NDUFS4: variants seen among roughly 807,000 people sequenced by gnomAD.
NDUFS4 encodes the protein NADH:ubiquinone oxidoreductase subunit S4.
A neutral mutation model predicts 24.3 loss-of-function variants in NDUFS4; 28 were observed. The observed-to-expected ratio is 1.15, with a 90% confidence interval of 0.85 to 1.58. The LOEUF is 1.58. NDUFS4 is among the 40% of genes most tolerant of loss of function. NDUFS4 has a pLI of 0.00. For synonymous variants in NDUFS4, 93 were observed against 69.7 expected (o/e 1.34, Z -1.67); for missense variants, 223 against 207.9 (o/e 1.07, Z -0.45).
At chr5:53,598,613 A>T (rs1750203858) in intron 1 of NDUFS4, among the ~76,000 whole-genome samples, 1 of 152,210 alleles carries the variant, frequency 6.6e-6, no homozygotes, top group African/African-American at 2.4e-5. Flanking sequence ...AAAGATGTTT[A>T]TATAAATAAA....
At chr5:53,627,309 T>C (rs1751260129) in intron 2 of NDUFS4, among the ~76,000 whole-genome samples, 1 of 152,208 alleles carries the variant, frequency 6.6e-6, no homozygotes, top group Admixed American at 6.5e-5. Context: ...AAAAGTCAGG[T>C]AGCATGATAC....
intron 3 of NDUFS4, among the ~76,000 whole-genome samples, chr5:53,648,416 T>A (rs73121112): frequency 6.6e-6 from 1 of 152,222 alleles, no homozygotes; most frequent in South Asian, 2.1e-4. Flanking sequence ...CTTTTTCATA[T>A]GTAAGATAAT....
rs562483166 is a variant in NDUFS4, at chr5:53,582,231, A to AAATT, written c.99-21219_99-21218insTTAA. Among the ~76,000 whole-genome samples, 675 of 121,230 alleles carry AAATT rather than the reference A, an allele frequency of 5.6e-3. 4 individuals carry two copies. The highest frequency in any genetic ancestry group is 1.0e-2 in the Non-Finnish European group (513 of 51,540). 79.5% of individuals were successfully genotyped at this position (121,230 alleles called of 152,430 possible). A position where few individuals can be genotyped will look rare whatever the true frequency, so the allele number is the denominator to read the frequency against. On this transcript the variant is annotated intron_variant, in intron 1 of 4. Coordinates refer to ENST00000296684, the MANE Select transcript of NDUFS4 (RefSeq NM_002495.4). ...GTCTCAAAATAAAATAAAATAAAAT[A>AAATT]AAATAAAATAAAATTAAATTAAAAT...
intron 1 of NDUFS4, among the ~76,000 whole-genome samples, chr5:53,581,680 A>G (rs1300758630): frequency 9.2e-5 from 14 of 152,088 alleles, no homozygotes. Flanking sequence ...CAGTTTAACC[A>G]TCATTTTCTT....
At chr5:53,591,461 T>TGGGGGG (rs374748766) in intron 1 of NDUFS4, among the ~76,000 whole-genome samples, 5 of 81,216 alleles carry the variant, frequency 6.2e-5, no homozygotes, top group African/African-American at 1.5e-4. Flanking sequence ...TTGTTTTTTT[T>TGGGGGG]GGGGGGGGGG....
Position 53,578,670 on chromosome 5 carries a change from A to G in NDUFS4, c.98+17910A>G, listed in dbSNP as rs572058784. 5.9e-5 allele frequency among the ~76,000 whole-genome samples: 9 copies of G among 152,312 alleles called. 1 individual carries two copies. In the Middle Eastern group the frequency reaches 0.014, roughly 230 times the overall value. On this transcript the variant is annotated intron_variant, in intron 1 of 4. Transcript: ENST00000296684. ...TAAAATGCATAGTACAGTGCTCGGC[A>G]TATGCTATAAGTGCCTGAAAAATTA... is the stretch of plus-strand genomic sequence containing the variant.
At chr5:53,668,173 G>C (rs999457548) in intron 4 of NDUFS4, among the ~76,000 whole-genome samples, 1 of 152,080 alleles carries the variant, frequency 6.6e-6, no homozygotes, top group East Asian at 1.9e-4. Context: ...CAGCCTAAAA[G>C]TATATTAGCT....
chr5:53,619,190 G>T (rs1009298402), intron 2 of NDUFS4, among the ~76,000 whole-genome samples: 23 of 150,754 alleles, frequency 1.5e-4, no homozygotes, highest in Non-Finnish European at 3.1e-4. Context: ...CACATTAGAG[G>T]CCGGGCACGG....
intron 2 of NDUFS4, among the ~76,000 whole-genome samples, chr5:53,605,707 T>C (rs1750476007): frequency 6.6e-6 from 1 of 152,116 alleles, no homozygotes. Flanking sequence ...TAGACTGTTC[T>C]CATATTGTTA....
chr5:53,560,674 G>C lies in NDUFS4; in HGVS notation c.12G>C (p.Val4=), dbSNP rs2279516. 0.61 allele frequency: 984,998 copies of C among 1,614,084 alleles called. 303,287 individuals carry two copies. Among genetic ancestry groups the C allele is most frequent in the African/African-American group, 0.81 (60,534 of 75,030 alleles). ...TTGCCTGCAGCAAGATGGCGGCGGT[G>C]TCAATGTCAGTGGTACTGAGGCAGA... is the stretch of plus-strand genomic sequence containing the variant. MAA[V]SMSVVLRQTL... Residue 4 remains valine (V), a synonymous_variant, in exon 1 of 5, where the codon GTG becomes GTC. Transcript: ENST00000296684.
intron 2 of NDUFS4, among the ~76,000 whole-genome samples, chr5:53,621,626 C>T (rs1751034382): frequency 6.6e-6 from 1 of 150,928 alleles, no homozygotes; most frequent in Non-Finnish European, 1.5e-5. Context: ...ACTTGTCATT[C>T]CAGTCCTTTG....
chr5:53,561,384 A>G (rs1010407480), intron 1 of NDUFS4, among the ~76,000 whole-genome samples: 4 of 152,112 alleles, frequency 2.6e-5, no homozygotes, highest in Non-Finnish European at 5.9e-5. Flanking sequence ...TAATTCAGGG[A>G]TTGAATTGAG....
Position 53,647,532 on chromosome 5 carries a change from A to C in NDUFS4, c.350+1127A>C, listed in dbSNP as rs555020267. Reference sequence around the variant, plus strand: ...ATGCCTGGCCATTAAATTGCTTTTTAACAGTGTATTGGAATAAATTCTTGT... The same window carrying C: ...ATGCCTGGCCATTAAATTGCTTTTTCACAGTGTATTGGAATAAATTCTTGT... On this transcript the variant is annotated intron_variant, in intron 3 of 4. Transcript: ENST00000296684. Among the ~76,000 whole-genome samples, 6 of 152,240 alleles carry C rather than the reference A, an allele frequency of 3.9e-5. No homozygotes were observed. In the South Asian group the frequency reaches 1.2e-3, roughly 32 times the overall value.
chr5:53,562,095 C>G (rs1474408863), intron 1 of NDUFS4, among the ~76,000 whole-genome samples: 4 of 152,012 alleles, frequency 2.6e-5, no homozygotes, highest in East Asian at 1.9e-4. Flanking sequence ...CCTCCGCCTC[C>G]CGGGTTCAAG....
chr5:53,609,434 ATATT>A (rs1461037536), intron 2 of NDUFS4, among the ~76,000 whole-genome samples: 2 of 152,196 alleles, frequency 1.3e-5, no homozygotes, highest in Non-Finnish European at 2.9e-5. Context: ...TGGGCATAAA[ATATT>A]TAGTAAACCA....
At chr5:53,651,615 A>G (rs1352538257) in intron 3 of NDUFS4, among the ~76,000 whole-genome samples, 1 of 151,980 alleles carries the variant, frequency 6.6e-6, no homozygotes, top group Non-Finnish European at 1.5e-5. Flanking sequence ...TAATGGAGCA[A>G]AGAGAATGTT....
At chr5:53,586,087 C>T (rs1027873266) in intron 1 of NDUFS4, among the ~76,000 whole-genome samples, 9 of 151,644 alleles carry the variant, frequency 5.9e-5, no homozygotes, top group Non-Finnish European at 1.0e-4. Flanking sequence ...CCAGCACTTT[C>T]GGAGGCCGAG....
chr5:53,640,325 C>T (rs1751676034), intron 2 of NDUFS4, among the ~76,000 whole-genome samples: 1 of 151,918 alleles, frequency 6.6e-6, no homozygotes, highest in South Asian at 2.1e-4. Context: ...GAAAAAGGTC[C>T]AGAAGGAAGA....
intron 3 of NDUFS4, among the ~76,000 whole-genome samples, chr5:53,650,987 T>G (rs1362145159): frequency 6.6e-6 from 1 of 152,176 alleles, no homozygotes; most frequent in Non-Finnish European, 1.5e-5. Context: ...TGATTGAAAA[T>G]GAGATATACT....
Sources: allele counts gnomAD v4.1 joint callset (sites outside exome capture counted in the v4.1 genomes callset), GRCh38; gene constraint gnomAD v4.1.1; transcripts MANE v1.5; gene names NCBI Gene and HGNC (gene_info 2026-07-23, HGNC 2026-07-21).